Variants in MTMR7 observed in about 807,000 individuals in gnomAD.
MTMR7 encodes phosphatidylinositol-3-phosphate phosphatase MTMR7.
In MTMR7, 76 loss-of-function variants were observed where a neutral mutation model predicts 81.2. The ratio of observed to expected loss-of-function variants is 0.94; its 90% CI spans 0.78 to 1.13. The LOEUF (loss-of-function observed/expected upper bound fraction) is 1.13. Among genes scored for constraint, MTMR7 ranks in the 50% most tolerant of loss-of-function variants. The pLI, the probability that MTMR7 is intolerant of heterozygous loss-of-function variation, is 0.00. For synonymous variants in MTMR7, 372 were observed against 289.8 expected, an observed-to-expected ratio of 1.28 and a Z score of -2.88; for missense variants, 1,044 against 820.0, an observed-to-expected ratio of 1.27 and a Z score of -3.34.
At chr8:17,412,098 G>A (rs1253079782) in intron 1 of MTMR7, among the ~76,000 whole-genome samples, 1 of 152,154 alleles carries the variant, frequency 6.6e-6, no homozygotes, top group Non-Finnish European at 1.5e-5. Context: ...TAATTCCCTA[G>A]TGCAAAATCA....
intron 1 of MTMR7, among the ~76,000 whole-genome samples, chr8:17,406,809 A>G (rs922944728): frequency 3.9e-5 from 6 of 152,344 alleles, no homozygotes; most frequent in Non-Finnish European, 7.4e-5. Context: ...GTACTGATAC[A>G]TGCTACAACT....
intron 1 of MTMR7, among the ~76,000 whole-genome samples, chr8:17,410,359 C>A (rs1171021495): frequency 6.6e-6 from 1 of 152,140 alleles, no homozygotes; most frequent in Non-Finnish European, 1.5e-5. Context: ...AATCTAGTAC[C>A]AAACTAAATC....
chr8:17,392,978 G>A (rs1280606846), intron 1 of MTMR7, among the ~76,000 whole-genome samples: 9 of 152,100 alleles, frequency 5.9e-5, no homozygotes, highest in Non-Finnish European at 1.3e-4. Flanking sequence ...AGTGTATTCT[G>A]TTTAGTCTCT....
At chr8:17,346,885 A>AAAT (rs1491247867) in intron 5 of MTMR7, among the ~76,000 whole-genome samples, 1 of 50,686 alleles carries the variant, frequency 2.0e-5, no homozygotes, top group Non-Finnish European at 3.3e-5. Flanking sequence ...CTATCTTAAT[A>AAAT]AAAAAAAAAA....
At chr8:17,394,798 C>G (rs748004920) in intron 1 of MTMR7, among the ~76,000 whole-genome samples, 1 of 151,004 alleles carries the variant, frequency 6.6e-6, no homozygotes, top group Non-Finnish European at 1.5e-5. Context: ...CACCCACTGT[C>G]ATGCTAATAG....
intron 1 of MTMR7, among the ~76,000 whole-genome samples, chr8:17,381,593 C>A (rs1477778309): frequency 6.6e-6 from 1 of 152,152 alleles, no homozygotes; most frequent in Non-Finnish European, 1.5e-5. Flanking sequence ...TTGAAAAGGA[C>A]AGAAAGCAGT....
intron 1 of MTMR7, among the ~76,000 whole-genome samples, chr8:17,388,004 A>G (rs1821002014): frequency 1.3e-5 from 2 of 152,248 alleles, no homozygotes; most frequent in African/African-American, 4.8e-5. Context: ...AAATAGTGAC[A>G]CAGCCAAGCT....
At chr8:17,307,036 G>A (rs1162365746) in intron 10 of MTMR7, among the ~76,000 whole-genome samples, 7 of 152,276 alleles carry the variant, frequency 4.6e-5, no homozygotes, top group East Asian at 1.9e-4. Context: ...AAAATTGACA[G>A]ATGGGATCTA....
At chr8:17,352,700 T>A (rs149035330) in intron 4 of MTMR7, among the ~76,000 whole-genome samples, 1 of 152,186 alleles carries the variant, frequency 6.6e-6, no homozygotes, top group African/African-American at 2.4e-5. Flanking sequence ...AAATTGCGTA[T>A]CTTAGGGAAA....
At chr8:17,397,851 C>T (rs540671908) in intron 1 of MTMR7, among the ~76,000 whole-genome samples, 1 of 152,246 alleles carries the variant, frequency 6.6e-6, no homozygotes, top group South Asian at 2.1e-4. Context: ...CACCCCACTC[C>T]CAGCTCCAGA....
At chr8:17,311,790 G>T in intron 8 of MTMR7, 154 bp from the exon 9 acceptor site, 1 of 1,229,304 alleles carries the variant, frequency 8.1e-7, no homozygotes, top group Admixed American at 2.2e-5. Flanking sequence ...CCTAATTAGG[G>T]CAGAGCCAGA....
At chr8:17,366,885 CAA>C (rs1277882494) in intron 3 of MTMR7, among the ~76,000 whole-genome samples, 1 of 88,176 alleles carries the variant, frequency 1.1e-5, no homozygotes. Context: ...GACTCCATCT[CAA>C]AAAAAAAAAA....
intron 6 of MTMR7, among the ~76,000 whole-genome samples, chr8:17,332,877 G>A (rs940539620): frequency 1.3e-5 from 2 of 152,018 alleles, no homozygotes; most frequent in South Asian, 2.1e-4. Context: ...TATAGAAAAC[G>A]GTACCAATTT....
Position 17,409,613 on chromosome 8 carries a change from T to C in MTMR7, c.24+3656A>G, listed in dbSNP as rs1821685907. Among the ~76,000 whole-genome samples the C allele has an allele frequency of 2.6e-5, 4 of 152,154 alleles. 1 individual carries two copies. The South Asian group carries it at 8.3e-4, about 31-fold the overall frequency. ...GGTGAACAAAATATAATCCCTACCATTACAGGACTTCCATCAAGCAGGGGA... is the reference window on the plus strand; with the variant it reads ...GGTGAACAAAATATAATCCCTACCACTACAGGACTTCCATCAAGCAGGGGA... On this transcript the variant is annotated intron_variant, in intron 1 of 13. Coordinates refer to ENST00000180173, the MANE Select transcript of MTMR7 (RefSeq NM_004686.5).
intron 11 of MTMR7, among the ~76,000 whole-genome samples, chr8:17,304,853 C>T (rs747210253): frequency 6.6e-6 from 1 of 151,810 alleles, no homozygotes; most frequent in Non-Finnish European, 1.5e-5. Flanking sequence ...AAATGTTCCA[C>T]GTTTTCTCTC....
At chr8:17,312,333 G>A (rs539003601) in intron 8 of MTMR7, among the ~76,000 whole-genome samples, 6 of 152,108 alleles carry the variant, frequency 3.9e-5, no homozygotes, top group African/African-American at 2.4e-5. Context: ...CCAGCACTTT[G>A]GGAGGCCGTG....
intron 1 of MTMR7, among the ~76,000 whole-genome samples, chr8:17,397,797 A>T (rs1407423667): frequency 6.6e-6 from 1 of 151,988 alleles, no homozygotes; most frequent in South Asian, 2.1e-4. Context: ...TTCAAGTCTG[A>T]CCCAGTGTAG....
At chr8:17,317,464 A>T (rs902961033) in intron 7 of MTMR7, among the ~76,000 whole-genome samples, 8 of 151,888 alleles carry the variant, frequency 5.3e-5, no homozygotes, top group Non-Finnish European at 1.2e-4. Context: ...TTACACTTTC[A>T]CTTAACCCCT....
intron 7 of MTMR7, among the ~76,000 whole-genome samples, chr8:17,322,899 T>C (rs1239435963): frequency 6.6e-6 from 1 of 152,094 alleles, no homozygotes; most frequent in Non-Finnish European, 1.5e-5. Context: ...GGCTTGGTGC[T>C]TTCATCTTAA....
Sources: allele counts gnomAD v4.1 joint callset (sites outside exome capture counted in the v4.1 genomes callset), GRCh38; gene constraint gnomAD v4.1.1; transcripts MANE v1.5; gene names NCBI Gene and HGNC (gene_info 2026-07-23, HGNC 2026-07-21).